The following MEGF8 variants were observed in gnomAD, a reference collection of about 807,000 sequenced individuals.
MEGF8 encodes the protein multiple EGF like domains 8.
In MEGF8, 156 loss-of-function variants were observed where a neutral mutation model predicts 302.9. That is an observed-to-expected ratio of 0.52 (90% CI 0.45 to 0.59). The LOEUF (loss-of-function observed/expected upper bound fraction) is 0.59, where lower values mean the gene tolerates loss of function less well. Ranked by LOEUF, MEGF8 falls within the 20% of genes least tolerant of loss-of-function variation. The probability of loss-of-function intolerance (pLI) is 0.00; values close to 1 mark genes in which losing one functional copy is unlikely to be tolerated. For synonymous variants in MEGF8, 1,621 were observed against 1,660.5 expected, an observed-to-expected ratio of 0.98 and a Z score of 0.58; for missense variants, 3,345 against 3,964.5, an observed-to-expected ratio of 0.84 and a Z score of 4.20.
In MEGF8 at chr19:42,344,366, G is replaced by C; in HGVS notation, c.1789-75G>C. On this transcript the variant is annotated intron_variant, in intron 10 of 41. Transcript: ENST00000251268. This position sits in a 1 kb window ranked among gnomAD's most constrained non-coding sequence, Gnocchi z 4.5. ...TTCGCCCTTTCCATCGCAGGACCCT[G>C]TATCCACAGCCCTTCCTTCCCAGAT... is the stretch of plus-strand genomic sequence containing the variant. The C allele has an allele frequency of 6.6e-7, 1 of 1,505,650 alleles. No individual in the cohort carries two copies. 93.3% of individuals were successfully genotyped at this position (1,505,650 alleles called of 1,614,324 possible).
chr19:42,362,250 G>T, intron 33 of MEGF8, 37 bp downstream of exon 33: 2 of 1,609,914 alleles, frequency 1.2e-6, no homozygotes, highest in Non-Finnish European at 1.7e-6. Context: ...GAAGCAGCAG[G>T]TGTAGGGCAG....
chr19:42,350,826 C>G lies in MEGF8; in HGVS notation c.2737-390C>G, dbSNP rs569007503. On this transcript the variant is annotated intron_variant, in intron 15 of 41. Coordinates refer to ENST00000251268, the MANE Select transcript of MEGF8 (RefSeq NM_001271938.2). ...AGTGAGGCTTCCTATTTCTCTCCCC[C>G]CACCCCACCACCATCCAGGAGCTCA... 5.9e-5 allele frequency among the ~76,000 whole-genome samples: 9 copies of G among 152,292 alleles called. No homozygotes were observed. The South Asian group carries it at 1.2e-3, about 21-fold the overall frequency.
Position 42,349,464 on chromosome 19 carries a change from C to T in MEGF8, c.2299-35C>T, listed in dbSNP as rs372717683. The T allele has an allele frequency of 1.5e-4, 241 of 1,586,846 alleles. 2 individuals carry two copies. The highest frequency in any genetic ancestry group is 3.4e-4 in the South Asian group (30 of 88,292). On this transcript the variant is annotated intron_variant, in intron 13 of 41. Transcript: ENST00000251268. ...GTCTGAGGAAGGAATGGGAAGGGTT[C>T]TGAGGCCCCTGCCTATCACTCACAC... is the stretch of plus-strand genomic sequence containing the variant.
rs372798483 is a variant in MEGF8 at position 42,356,791 on chromosome 19, G to A, written c.4640G>A (p.Arg1547Gln). 11 of 1,552,062 alleles carry A rather than the reference G, an allele frequency of 7.1e-6. No homozygotes were observed. The highest frequency in any genetic ancestry group is 2.4e-5 in the East Asian group (1 of 41,210). The change falls in exon 27 of 42, where the codon CGG becomes CAG. Residue 1547 changes from arginine (R) to glutamine (Q), a missense_variant. Transcript: ENST00000251268. The surrounding 1 kb of genome is among the most constrained non-coding windows in gnomAD (Gnocchi z 5.2). The stretch of plus-strand genomic sequence containing the variant: ...GGCCCCAGGTACTCAGTGAGTGAGC[G>A]GCGGTGGACACAGATGCTGGCGGGA... ...GNLYRYSVSERRWTQMLAGAE... is the reference protein window; with the variant it reads ...GNLYRYSVSEQRWTQMLAGAE...
At position 42,335,371 on chromosome 19, in the gene MEGF8, C is replaced by G. The variant is rs2039112148; in HGVS notation, c.814C>G (p.Leu272Val). The change falls in exon 5 of 42, where the codon CTG (leucine) becomes GTG (valine). Residue 272 changes from leucine (L) to valine (V), a missense_variant. Physicochemically the swap from Leu to Val is conservative, Grantham distance 32 (BLOSUM62 1). Coordinates refer to ENST00000251268, the MANE Select transcript of MEGF8 (RefSeq NM_001271938.2). ...FSANTWESWD[L>V]SPAPAARHSH... ...CGCCAACACCTGGGAGTCTTGGGAC[C>G]TGAGTCCTGCCCCGGTATGGACCCC... 6.2e-7 allele frequency: 1 copy of G among 1,613,892 alleles called. No individual in the cohort carries two copies. Among genetic ancestry groups the G allele is most frequent in the East Asian group, 2.2e-5 (1 of 44,898 alleles).
chr19:42,341,167 C>T (rs975260162), intron 8 of MEGF8, among the ~76,000 whole-genome samples: 1 of 151,978 alleles, frequency 6.6e-6, no homozygotes, highest in Admixed American at 6.6e-5. Flanking sequence ...CACTGTGGCT[C>T]ATTCCTGTAA....
In MEGF8 at chr19:42,353,039, G is replaced by T. The variant is rs778729903; in HGVS notation, c.3462G>T (p.Pro1154=). Residue 1154 remains proline (P), a synonymous_variant, in exon 20 of 42, where the codon CCG becomes CCT. Coordinates refer to ENST00000251268, the MANE Select transcript of MEGF8 (RefSeq NM_001271938.2). The surrounding 1 kb of genome is among the most constrained non-coding windows in gnomAD (Gnocchi z 6.1). ...DLPPPTPAPG[P]PAPRCSRDCG... The stretch of plus-strand genomic sequence containing the variant: ...CCCCTCCCACACCCGCCCCGGGTCC[G>T]CCAGCCCCCCGCTGCTCCCGGGACT... 7 of 1,554,298 alleles carry T rather than the reference G, an allele frequency of 4.5e-6. No individual in the cohort carries two copies. Among genetic ancestry groups the T allele is most frequent in the Non-Finnish European group, 6.1e-6 (7 of 1,149,278 alleles).
chr19:42,374,160 C>T (rs777844152), intron 41 of MEGF8, among the ~76,000 whole-genome samples: 6 of 152,060 alleles, frequency 3.9e-5, no homozygotes, highest in Non-Finnish European at 7.4e-5. Context: ...GGGGTACAGA[C>T]TTAAGAGGAA....
In MEGF8 at chr19:42,336,925, G is replaced by A; in HGVS notation, c.1363G>A (p.Val455Ile). ...GGAGCGAGCCTTCCACACAGCCAGT[G>A]TTCTGGGCAATTACATGGTGGTCTA... is the stretch of plus-strand genomic sequence containing the variant. Reference protein sequence around the residue: ...PRERAFHTASVLGNYMVVYGG... With the variant: ...PRERAFHTASILGNYMVVYGG... The change falls in exon 7 of 42, where the codon GTT becomes ATT. Residue 455 changes from valine (V) to isoleucine (I), a missense_variant. Transcript: ENST00000251268. The surrounding 1 kb of genome is among the most constrained non-coding windows in gnomAD (Gnocchi z 4.8). 2 of 1,613,898 alleles carry A rather than the reference G, an allele frequency of 1.2e-6. No individual in the cohort carries two copies. Among genetic ancestry groups the A allele is most frequent in the Non-Finnish European group, 1.7e-6 (2 of 1,179,834 alleles).
chr19:42,339,108 A>G lies in MEGF8; in HGVS notation c.1513+1902A>G, dbSNP rs987072833. 5.3e-5 allele frequency among the ~76,000 whole-genome samples: 8 copies of G among 152,252 alleles called. 2 individuals carry two copies. In the South Asian group the frequency reaches 1.7e-3, roughly 32 times the overall value. On this transcript the variant is annotated intron_variant, in intron 8 of 41. Coordinates refer to ENST00000251268, the MANE Select transcript of MEGF8 (RefSeq NM_001271938.2). ...CTCGGCCTCCCAAATTGCTGGGATT[A>G]CAGGCGTGAGCCAATGCGCCTGGCC... is the stretch of plus-strand genomic sequence containing the variant.
At chr19:42,350,516 G>T in intron 15 of MEGF8, 132 bp downstream of exon 15, 1 of 784,424 alleles carries the variant, frequency 1.3e-6, no homozygotes, top group Non-Finnish European at 2.0e-6. Context: ...GCAGAGCCTG[G>T]TGGGGAGGGT....
At position 42,376,514 on chromosome 19, in the gene MEGF8, C is replaced by T. The variant is rs2039773158; in HGVS notation, c.8277C>T (p.Thr2759=). 1.3e-6 allele frequency: 2 copies of T among 1,580,126 alleles called. No individual in the cohort carries two copies. Among genetic ancestry groups the T allele is most frequent in the African/African-American group, 1.4e-5 (1 of 73,974 alleles). Residue 2759 remains threonine, a synonymous_variant, in exon 42 of 42, where the codon ACC becomes ACT. Transcript: ENST00000251268. The surrounding 1 kb of genome is among the most constrained non-coding windows in gnomAD (Gnocchi z 8.2). The part of the protein sequence containing the change: ...GGCCPPAIPA[T]TAGLRAGPIT... ...GCTGCCCACCAGCCATCCCCGCCAC[C>T]ACTGCTGGGCTGCGAGCTGGGCCCA...
chr19:42,362,039 G>A (rs1411610166), intron 32 of MEGF8, 51 bp from the exon 33 acceptor site: 2 of 1,600,136 alleles, frequency 1.2e-6, no homozygotes, highest in African/African-American at 2.7e-5. Flanking sequence ...CTGGGAGGCA[G>A]AAGGAGGGGG....
In MEGF8 at chr19:42,355,824, C is replaced by T; in HGVS notation, c.4211C>T (p.Ser1404Phe). ...TGGGGCTTCAATGCTTCGGTGGGCT[C>T]TGCCCGCTGTGGGTCAGGGGGCCCC... The part of the protein sequence containing the change: ...SSWGFNASVG[S>F]ARCGSGGPGS... The change falls in exon 24 of 42, where the codon TCT becomes TTT. Residue 1404 changes from serine (S) to phenylalanine (F), a missense_variant. Coordinates refer to ENST00000251268, the MANE Select transcript of MEGF8 (RefSeq NM_001271938.2). The T allele has an allele frequency of 6.4e-7, 1 of 1,572,532 alleles. No homozygotes were observed. The highest frequency in any genetic ancestry group is 1.2e-5 in the South Asian group (1 of 86,060).
In MEGF8 at chr19:42,352,390, C is replaced by T. The variant is rs775878262; in HGVS notation, c.3284C>T (p.Pro1095Leu). The part of the protein sequence containing the change: ...CHPRATCLNT[P>L]LSYECHCQRG... ...CCGCGGGCGACCTGCCTGAACACGC[C>T]CCTCAGCTACGAGTGTCACTGCCAG... is the stretch of plus-strand genomic sequence containing the variant. Residue 1095 changes from proline to leucine, a missense_variant, in exon 19 of 42, where the codon CCC becomes CTC. Pro to Leu is a moderately conservative substitution (Grantham distance 98). Coordinates refer to ENST00000251268, the MANE Select transcript of MEGF8 (RefSeq NM_001271938.2). The surrounding 1 kb of genome is among the most constrained non-coding windows in gnomAD (Gnocchi z 4.4). The T allele has an allele frequency of 1.3e-6, 2 of 1,594,986 alleles. No homozygotes were observed. Among genetic ancestry groups the T allele is most frequent in the Non-Finnish European group, 1.7e-6 (2 of 1,171,510 alleles).
intron 1 of MEGF8, 28 bp from the exon 2 acceptor site, chr19:42,333,577 G>C (rs1027889931): frequency 1.9e-6 from 3 of 1,605,608 alleles, no homozygotes; most frequent in Non-Finnish European, 2.6e-6. Context: ...CCGCTTTAGA[G>C]CTTGGTCCCT....
chr19:42,333,351 T>C (rs576623410), intron 1 of MEGF8, among the ~76,000 whole-genome samples: 1 of 152,340 alleles, frequency 6.6e-6, no homozygotes, highest in East Asian at 1.9e-4. Context: ...TTCATTCTGA[T>C]CTCAGGTGAC....
At position 42,361,021 on chromosome 19, in the gene MEGF8, C is replaced by A; in HGVS notation, c.5720+15C>A. Reference sequence around the variant, plus strand: ...CAGGCCCACAGGTAACCATGGCGACCATGACAGGCAGTGGGGAGTGGAGCC... The same window carrying A: ...CAGGCCCACAGGTAACCATGGCGACAATGACAGGCAGTGGGGAGTGGAGCC... On this transcript the variant is annotated intron_variant, in intron 32 of 41. Transcript: ENST00000251268. 2 of 1,532,472 alleles carry A rather than the reference C, an allele frequency of 1.3e-6. No homozygotes were observed. The allele number at this position is 1,532,472 out of a possible 1,614,324, so 94.9% of individuals were successfully genotyped here. A position where few individuals can be genotyped will look rare whatever the true frequency, so the allele number is the denominator to read the frequency against.
At chr19:42,338,873 C>G (rs990737496) in intron 8 of MEGF8, among the ~76,000 whole-genome samples, 3 of 108,444 alleles carry the variant, frequency 2.8e-5, no homozygotes, top group African/African-American at 1.1e-4. Flanking sequence ...TTCGCTCTGT[C>G]GCCCAGGCTG....
Sources: gnomAD v4.1 joint callset for allele counts (sites outside exome capture counted in the v4.1 genomes callset) on GRCh38, gnomAD v4.1.1 for gene constraint, Gnocchi (gnomAD v3.1) non-coding constraint, MANE v1.5 for transcripts, NCBI Gene and HGNC (gene_info 2026-07-23, HGNC 2026-07-21) for gene names.